Variants in CYP19A1 observed in about 807,000 individuals in gnomAD.
The protein encoded by CYP19A1 is aromatase.
In CYP19A1, 32 loss-of-function variants were observed where a neutral mutation model predicts 44.4. The observed-to-expected ratio is 0.72, with a 90% CI of 0.54 to 0.97. The LOEUF (loss-of-function observed/expected upper bound fraction) is 0.97. CYP19A1 is among the 50% of genes least tolerant of loss of function. The pLI, the probability that CYP19A1 is intolerant of heterozygous loss-of-function variation, is 0.00. For synonymous variants in CYP19A1, 212 were observed against 215.6 expected (o/e 0.98, Z 0.14); for missense variants, 598 against 637.8 (o/e 0.94, Z 0.67).
intron 1 of CYP19A1, among the ~76,000 whole-genome samples, chr15:51,332,849 C>G (rs1052123140): frequency 7.2e-4 from 109 of 152,202 alleles, no homozygotes; most frequent in Non-Finnish European, 1.5e-5. Flanking sequence ...CCTTCTTCCC[C>G]TATAAGTCAC....
intron 3 of CYP19A1, among the ~76,000 whole-genome samples, chr15:51,233,394 C>G (rs2033172060): frequency 6.6e-6 from 1 of 152,204 alleles, no homozygotes; most frequent in South Asian, 2.1e-4. Context: ...CTAGTGACGA[C>G]ATATTGCTCC....
At chr15:51,252,595 A>G (rs541109634) in intron 1 of CYP19A1, among the ~76,000 whole-genome samples, 5 of 152,346 alleles carry the variant, frequency 3.3e-5, no homozygotes, top group East Asian at 1.9e-4. Context: ...GTACCCTGAT[A>G]TCCCATCTGT....
At chr15:51,248,912 C>T (rs2034184439) in intron 1 of CYP19A1, among the ~76,000 whole-genome samples, 1 of 151,636 alleles carries the variant, frequency 6.6e-6, no homozygotes, top group African/African-American at 2.4e-5. Context: ...TTCCAGTTGT[C>T]TACAAGACTT....
At chr15:51,228,699 C>G (rs1310147796) in intron 3 of CYP19A1, among the ~76,000 whole-genome samples, 1 of 152,180 alleles carries the variant, frequency 6.6e-6, no homozygotes, top group East Asian at 1.9e-4. Context: ...TTGCATGATG[C>G]TCAATTATGC....
chr15:51,321,501 A>C (rs893254365), intron 1 of CYP19A1: 2 of 152,156 alleles, frequency 1.3e-5, no homozygotes, highest in African/African-American at 4.8e-5. Flanking sequence ...AAACCAGTTC[A>C]TCCACCCCCT....
intron 4 of CYP19A1, among the ~76,000 whole-genome samples, chr15:51,222,784 A>C (rs1458385932): frequency 1.3e-5 from 2 of 152,202 alleles, no homozygotes; most frequent in Non-Finnish European, 2.9e-5. Flanking sequence ...TAAAAATTAA[A>C]CTTTTTTTCA....
intron 1 of CYP19A1, among the ~76,000 whole-genome samples, chr15:51,253,730 A>G (rs2034413009): frequency 6.6e-6 from 1 of 152,176 alleles, no homozygotes; most frequent in Non-Finnish European, 1.5e-5. Flanking sequence ...AGAAGTTCCT[A>G]ATTATCATTA....
chr15:51,215,814 C>A lies in CYP19A1; in HGVS notation c.747G>T (p.Lys249Asn). Residue 249 changes from lysine (K) to asparagine (N), a missense_variant, in exon 7 of 10, where the codon AAG becomes AAT. Transcript: ENST00000396402. ...WLYKKYEKSV[K>N]DLKDAIEVLI... ...GAACTTCTATGGCATCTTTCAAATC[C>A]TTGCTGGAAAAAAAGTCAAAATATT... The A allele has an allele frequency of 6.2e-7, 1 of 1,613,624 alleles. No individual in the cohort carries two copies. The highest frequency in any genetic ancestry group is 8.5e-7 in the Non-Finnish European group (1 of 1,179,916).
chr15:51,305,509 C>T (rs1385978298), intron 1 of CYP19A1, among the ~76,000 whole-genome samples: 3 of 152,074 alleles, frequency 2.0e-5, no homozygotes, highest in Admixed American at 1.3e-4. Flanking sequence ...CCTAGTGAGA[C>T]CCTGAGCAGA....
chr15:51,233,074 A>G (rs969446284), intron 3 of CYP19A1, among the ~76,000 whole-genome samples: 33 of 152,188 alleles, frequency 2.2e-4, no homozygotes, highest in African/African-American at 7.7e-4. Context: ...AGGTCTCTGC[A>G]TGGGCTACTT....
At chr15:51,229,980 G>C (rs992990945) in intron 3 of CYP19A1, among the ~76,000 whole-genome samples, 1 of 152,156 alleles carries the variant, frequency 6.6e-6, no homozygotes, top group African/African-American at 2.4e-5. Flanking sequence ...TAGTAATAAA[G>C]AGCCAACCTT....
At position 51,227,941 on chromosome 15, in the gene CYP19A1, G is replaced by A. The variant is rs753195937; in HGVS notation, c.297-8C>T. On this transcript the variant is annotated splice_polypyrimidine_tract_variant and splice_region_variant and intron_variant, in intron 3 of 9. Transcript: ENST00000396402. ...TGGAACATACTTGAGGACCTGAAAA[G>A]ACAGGAAACTTTGGTGTCAATTTTT... 3.2e-6 allele frequency: 5 copies of A among 1,555,176 alleles called. No homozygotes were observed. The highest frequency in any genetic ancestry group is 2.2e-5 in the East Asian group (1 of 44,574).
At chr15:51,333,555 A>G (rs932433501) in intron 1 of CYP19A1, among the ~76,000 whole-genome samples, 4 of 152,232 alleles carry the variant, frequency 2.6e-5, no homozygotes, top group Non-Finnish European at 5.9e-5. Flanking sequence ...TTTGACCTAA[A>G]AAGTCACATT....
chr15:51,236,890 T>C lies in CYP19A1; in HGVS notation c.265A>G (p.Ile89Val), dbSNP rs778651594. The change falls in exon 3 of 10, where the codon ATC (isoleucine) becomes GTC (valine). Residue 89 changes from isoleucine (I) to valine (V), a missense_variant. Coordinates refer to ENST00000396402, the MANE Select transcript of CYP19A1 (RefSeq NM_000103.4). Reference protein sequence around the residue: ...RVYGEFMRVWISGEETLIISK... With the variant: ...RVYGEFMRVWVSGEETLIISK... ...ATAATGAGTGTTTCCTCTCCAGAGA[T>C]CCAGACTCGCATGAATTCTCCATAT... is the stretch of plus-strand genomic sequence containing the variant. 1 of 1,614,212 alleles carries C rather than the reference T, an allele frequency of 6.2e-7. No individual in the cohort carries two copies. Among genetic ancestry groups the C allele is most frequent in the Non-Finnish European group, 8.5e-7 (1 of 1,180,036 alleles).
chr15:51,284,508 G>A (rs916261033), intron 1 of CYP19A1, among the ~76,000 whole-genome samples: 8 of 152,200 alleles, frequency 5.3e-5, no homozygotes, highest in Non-Finnish European at 1.5e-5. Flanking sequence ...ATGGGGAAGA[G>A]ACTTATTGCA....
chr15:51,238,757 A>G (rs1381534062), intron 2 of CYP19A1, among the ~76,000 whole-genome samples: 1 of 152,218 alleles, frequency 6.6e-6, no homozygotes, highest in South Asian at 2.1e-4. Context: ...TTGTGCTTAG[A>G]TTAAGAACCT....
At chr15:51,256,260 C>T (rs1025193028) in intron 1 of CYP19A1, among the ~76,000 whole-genome samples, 13 of 152,192 alleles carry the variant, frequency 8.5e-5, no homozygotes, top group African/African-American at 3.1e-4. Context: ...CTTCAGCAGG[C>T]TTAGCTGTAC....
chr15:51,298,945 C>T (rs573144607), intron 1 of CYP19A1, among the ~76,000 whole-genome samples: 1 of 152,340 alleles, frequency 6.6e-6, no homozygotes. Flanking sequence ...AGCTTGCCCA[C>T]ATGGCTAGTG....
In CYP19A1 at chr15:51,210,974, G is replaced by A; in HGVS notation, c.1346C>T (p.Ala449Val). Reference sequence around the variant, plus strand: ...TCGTCTCAGAAGTGTAACGAGGATGGCTTTCATCATCACCATGGCGATGTA... The same window carrying A: ...TCGTCTCAGAAGTGTAACGAGGATGACTTTCATCATCACCATGGCGATGTA... ...GKYIAMVMMK[A>V]ILVTLLRRFH... Residue 449 changes from alanine (A) to valine (V), a missense_variant, in exon 10 of 10, where the codon GCC becomes GTC. Ala to Val is a moderately conservative substitution (Grantham distance 64). Coordinates refer to ENST00000396402, the MANE Select transcript of CYP19A1 (RefSeq NM_000103.4). The A allele has an allele frequency of 6.2e-7, 1 of 1,603,394 alleles. No homozygotes were observed. Among genetic ancestry groups the A allele is most frequent in the South Asian group, 1.1e-5 (1 of 90,906 alleles).
Sources: allele counts gnomAD v4.1 joint callset (sites outside exome capture counted in the v4.1 genomes callset), GRCh38; gene constraint gnomAD v4.1.1; transcripts MANE v1.5; gene names NCBI Gene and HGNC (gene_info 2026-07-23, HGNC 2026-07-21).